ANAPC5: variants seen among roughly 807,000 people sequenced by gnomAD.
ANAPC5 encodes anaphase-promoting complex subunit 5.
A neutral mutation model predicts 91.3 loss-of-function variants in ANAPC5; 60 were observed. The ratio of observed to expected loss-of-function variants is 0.66; its 90% CI spans 0.53 to 0.81. The LOEUF (loss-of-function observed/expected upper bound fraction) is 0.81. ANAPC5 is among the 40% of genes least tolerant of loss of function. The probability of loss-of-function intolerance (pLI) is 0.00; values close to 1 mark genes in which losing one functional copy is unlikely to be tolerated. For synonymous variants in ANAPC5, 340 were observed against 364.1 expected (o/e 0.93, Z 0.75); for missense variants, 690 against 931.5 (o/e 0.74, Z 3.37).
At chr12:121,330,716 G>A in intron 8 of ANAPC5, 44 bp from the exon 9 acceptor site, 1 of 1,494,972 alleles carries the variant, frequency 6.7e-7, no homozygotes, top group Non-Finnish European at 9.3e-7. Flanking sequence ...AGTGGCAATG[G>A]CTGATGTTCT....
chr12:121,345,484 G>A (rs993430470), intron 4 of ANAPC5, among the ~76,000 whole-genome samples: 1 of 152,148 alleles, frequency 6.6e-6, no homozygotes, highest in Non-Finnish European at 1.5e-5. Context: ...CCTGGGGCCT[G>A]CAAACACTTG....
At chr12:121,312,440 C>T (rs1902202383) in intron 15 of ANAPC5, among the ~76,000 whole-genome samples, 1 of 151,920 alleles carries the variant, frequency 6.6e-6, no homozygotes, top group Non-Finnish European at 1.5e-5. Context: ...GGCACAGCGG[C>T]TCACACCTGT....
intron 6 of ANAPC5, 42 bp downstream of exon 6, chr12:121,337,249 C>T: frequency 6.5e-7 from 1 of 1,529,860 alleles, no homozygotes; most frequent in Non-Finnish European, 9.0e-7. Context: ...GTTGCCTTGT[C>T]ATTCCTTTCC....
intron 10 of ANAPC5, 77 bp downstream of exon 10, chr12:121,328,239 G>A: frequency 7.5e-7 from 1 of 1,338,054 alleles, no homozygotes. Flanking sequence ...TTGTATGTAT[G>A]GCCTTTCACA....
At chr12:121,326,535 T>G (rs1403445867) in intron 11 of ANAPC5, 1 of 152,340 alleles carries the variant, frequency 6.6e-6, no homozygotes, top group South Asian at 2.1e-4. Flanking sequence ...TTATGTCCCA[T>G]TCCCACTGCT....
chr12:121,347,781 A>C (rs1555274839), intron 2 of ANAPC5, 21 bp downstream of exon 2: 1 of 1,571,500 alleles, frequency 6.4e-7, no homozygotes. Flanking sequence ...TTTCATATAT[A>C]AAGAAGAAAA....
upstream of ANAPC5, among the ~76,000 whole-genome samples, chr12:121,353,483 C>A (rs576964295): frequency 6.6e-6 from 1 of 150,816 alleles, no homozygotes; most frequent in East Asian, 1.9e-4. Context: ...CTCTGTCGCC[C>A]AGGCTGGAGT....
At position 121,335,664 on chromosome 12, in the gene ANAPC5, A is replaced by G. The variant is rs1453116197; in HGVS notation, c.819T>C (p.Ser273=). 24 of 1,613,670 alleles carry G rather than the reference A, an allele frequency of 1.5e-5. No individual in the cohort carries two copies. Among genetic ancestry groups the G allele is most frequent in the Non-Finnish European group, 2.0e-5 (24 of 1,179,728 alleles). Residue 273 remains serine, a synonymous_variant, in exon 7 of 17, where the codon AGT becomes AGC. Coordinates refer to ENST00000261819, the MANE Select transcript of ANAPC5 (RefSeq NM_016237.5). ...RVQDVFSSTH[S]LLHYFDRLIL... The stretch of plus-strand genomic sequence containing the variant: ...TCAGACGATCAAAATAATGGAGGAG[A>G]CTGTGTGTTGAACTGAAAACATCTT...
At chr12:121,315,400 A>G (rs898979576) in intron 15 of ANAPC5, among the ~76,000 whole-genome samples, 5 of 152,218 alleles carry the variant, frequency 3.3e-5, no homozygotes, top group African/African-American at 9.6e-5. Context: ...TCCCTATCAA[A>G]ATTACAACTA....
chr12:121,354,016 T>G (rs1463309284), upstream of ANAPC5, among the ~76,000 whole-genome samples: 1 of 144,448 alleles, frequency 6.9e-6, no homozygotes, highest in South Asian at 2.2e-4. Context: ...CGATACGGAG[T>G]CTTGCTCTGT....
At chr12:121,314,555 A>G (rs1215328207) in intron 15 of ANAPC5, among the ~76,000 whole-genome samples, 1 of 152,120 alleles carries the variant, frequency 6.6e-6, no homozygotes, top group African/African-American at 2.4e-5. Flanking sequence ...AAAAACCCAC[A>G]GCTAGCATGA....
intron 4 of ANAPC5, among the ~76,000 whole-genome samples, chr12:121,343,791 AG>A (rs1261640866): frequency 6.6e-6 from 1 of 152,234 alleles, no homozygotes; most frequent in Non-Finnish European, 1.5e-5. Flanking sequence ...ATAAGCTCCC[AG>A]GAAATGATAA....
At chr12:121,345,747 C>T in intron 4 of ANAPC5, 92 bp downstream of exon 4, 1 of 1,313,812 alleles carries the variant, frequency 7.6e-7, no homozygotes, top group South Asian at 1.4e-5. Flanking sequence ...GGGCATAAGC[C>T]AGCACGTGAA....
chr12:121,346,094 A>G (rs782666547), intron 3 of ANAPC5, 63 bp from the exon 4 acceptor site: 2 of 1,326,264 alleles, frequency 1.5e-6, no homozygotes, highest in Non-Finnish European at 2.1e-6. Flanking sequence ...CGCAATGGCA[A>G]CTCCACAATG....
In ANAPC5 at chr12:121,338,582, C is replaced by CA. The variant is rs202023687; in HGVS notation, c.658-1191dup. Among the ~76,000 whole-genome samples, 33 of 152,176 alleles carry CA rather than the reference C, an allele frequency of 2.2e-4. 1 individual carries two copies. In the East Asian group the frequency reaches 6.2e-3, roughly 28 times the overall value. Reference sequence around the variant, plus strand: ...CCAGCCTGGGTGACAGGGCAAGACTCAGTCTCAAAAAAACAAAACAAAACA... The same window carrying CA: ...CCAGCCTGGGTGACAGGGCAAGACTCAAGTCTCAAAAAAACAAAACAAAACA... On this transcript the variant is annotated intron_variant, in intron 5 of 16. Transcript: ENST00000261819.
rs782461440 is a variant in ANAPC5 at position 121,352,352 on chromosome 12, ACTAAGTCTCGGGCC to A, written c.-26_-13del. On this transcript the variant is annotated 5_prime_UTR_variant, in exon 1 of 17. Transcript: ENST00000261819. ...TGGACGCTGGCCATGGCGGCCCGAG[ACTAAGTCTCGGGCC>A]CGCGGCGCGCTGCCGCCAGTTGTCA... The A allele has an allele frequency of 1.3e-6, 2 of 1,585,950 alleles. No individual in the cohort carries two copies. Among genetic ancestry groups the A allele is most frequent in the South Asian group, 1.1e-5 (1 of 89,802 alleles).
At chr12:121,328,633 A>C in intron 9 of ANAPC5, 136 bp from the exon 10 acceptor site, 1 of 791,666 alleles carries the variant, frequency 1.3e-6, no homozygotes, top group Non-Finnish European at 2.0e-6. Flanking sequence ...AGTACCTATA[A>C]CCTGGCCTTA....
At chr12:121,309,551 T>C (rs1902073744) in intron 16 of ANAPC5, 150 bp downstream of exon 16, 1 of 970,832 alleles carries the variant, frequency 1.0e-6, no homozygotes, top group Non-Finnish European at 1.5e-6. Flanking sequence ...GTGAAAGCAC[T>C]TTAAATGCTG....
Position 121,331,392 on chromosome 12 carries a change from C to T in ANAPC5, c.987G>A (p.Arg329=). The T allele has an allele frequency of 6.2e-7, 1 of 1,609,228 alleles. No homozygotes were observed. The highest frequency in any genetic ancestry group is 8.5e-7 in the Non-Finnish European group (1 of 1,175,872). ...CGTGATCGTTGGACTCCTGGGCAAT[C>T]CTAATTGCCTCCTGCAGGGCGAGCT... is the stretch of plus-strand genomic sequence containing the variant. ...QAELALQEAI[R]IAQESNDHVC... is the part of the protein sequence containing the mutation. Residue 329 remains arginine (R), a synonymous_variant, in exon 8 of 17, where the codon AGG becomes AGA. Coordinates refer to ENST00000261819, the MANE Select transcript of ANAPC5 (RefSeq NM_016237.5).
Sources: gnomAD v4.1 joint callset for allele counts (sites outside exome capture counted in the v4.1 genomes callset) on GRCh38, gnomAD v4.1.1 for gene constraint, MANE v1.5 for transcripts, NCBI Gene and HGNC (gene_info 2026-07-23, HGNC 2026-07-21) for gene names.